LGR5: variants seen among roughly 807,000 people sequenced by gnomAD.
LGR5 encodes the protein leucine rich repeat containing G protein-coupled receptor 5, also known as leucine-rich repeat-containing G protein-coupled receptor 5.
Under a neutral mutation model 76.7 loss-of-function variants are expected in LGR5, and 54 were observed. The observed-to-expected ratio is 0.70, with a 90% CI of 0.57 to 0.88. The LOEUF (loss-of-function observed/expected upper bound fraction) is 0.88, where lower values mean the gene tolerates loss of function less well. LGR5 is among the 40% of genes least tolerant of loss of function. The probability of loss-of-function intolerance (pLI) is 0.00; values close to 1 mark genes in which losing one functional copy is unlikely to be tolerated. For synonymous variants in LGR5, 406 were observed against 421.9 expected, an observed-to-expected ratio of 0.96 and a Z score of 0.46; for missense variants, 1,078 against 1,073.3, an observed-to-expected ratio of 1.00 and a Z score of -0.06.
At chr12:71,474,389 T>C (rs987329417) in intron 1 of LGR5, among the ~76,000 whole-genome samples, 1 of 152,202 alleles carries the variant, frequency 6.6e-6, no homozygotes, top group Non-Finnish European at 1.5e-5. Context: ...AAAATTAAAA[T>C]TCTTTTTAAG....
At chr12:71,502,736 T>G (rs925520678) in intron 1 of LGR5, among the ~76,000 whole-genome samples, 2 of 152,192 alleles carry the variant, frequency 1.3e-5, no homozygotes, top group African/African-American at 4.8e-5. Flanking sequence ...TCCTCCACCA[T>G]AAAAAGTGTT....
At chr12:71,575,225 A>G (rs1160934298) in intron 13 of LGR5, among the ~76,000 whole-genome samples, 2 of 152,184 alleles carry the variant, frequency 1.3e-5, no homozygotes, top group South Asian at 2.1e-4. Context: ...AAAAAACAAA[A>G]CAAAACAAAC....
At chr12:71,497,082 G>GT (rs773967984) in intron 1 of LGR5, among the ~76,000 whole-genome samples, 15 of 152,172 alleles carry the variant, frequency 9.9e-5, no homozygotes, top group Non-Finnish European at 2.2e-4. Context: ...GGGAGGCCAA[G>GT]GTGGGAGAAT....
chr12:71,475,923 C>G (rs1271743663), intron 1 of LGR5, among the ~76,000 whole-genome samples: 2 of 152,066 alleles, frequency 1.3e-5, no homozygotes, highest in African/African-American at 4.8e-5. Context: ...TCTATACATC[C>G]TTTCCTCCTT....
chr12:71,553,195 G>T lies in LGR5; in HGVS notation c.551G>T (p.Ser184Ile), dbSNP rs755523849. The stretch of plus-strand genomic sequence containing the variant: ...GAAATCCCCGTCCAGGCTTTTAGAA[G>T]TTTATCGGCATTGCAAGCCATGACC... ...LTEIPVQAFRSLSALQAMTLA... is the reference protein window; with the variant it reads ...LTEIPVQAFRILSALQAMTLA... Residue 184 changes from serine (S) to isoleucine (I), a missense_variant, in exon 5 of 18, where the codon AGT becomes ATT. Physicochemically the swap from Ser to Ile is moderately radical, Grantham distance 142 (BLOSUM62 -2). Coordinates refer to ENST00000266674, the MANE Select transcript of LGR5 (RefSeq NM_003667.4). The T allele has an allele frequency of 6.2e-7, 1 of 1,614,082 alleles. No homozygotes were observed.
At chr12:71,497,556 A>G (rs982684179) in intron 1 of LGR5, among the ~76,000 whole-genome samples, 1 of 152,212 alleles carries the variant, frequency 6.6e-6, no homozygotes, top group Non-Finnish European at 1.5e-5. Flanking sequence ...TATTCATACT[A>G]TAATAAAATG....
At chr12:71,543,457 A>T (rs34883072) in intron 4 of LGR5, among the ~76,000 whole-genome samples, 21,637 of 152,168 alleles carry the variant, frequency 0.14, 1,676 homozygotes, top group Middle Eastern at 0.17. Flanking sequence ...TGGGTAGGGG[A>T]TGCTCATGAA....
intron 1 of LGR5, among the ~76,000 whole-genome samples, chr12:71,481,618 G>T (rs1419344300): frequency 6.6e-6 from 1 of 152,084 alleles, no homozygotes; most frequent in Admixed American, 6.6e-5. Context: ...TGTGTTTCAG[G>T]ATATTCGATG....
chr12:71,531,072 A>C (rs1272898603), intron 3 of LGR5, among the ~76,000 whole-genome samples: 1 of 151,846 alleles, frequency 6.6e-6, no homozygotes, highest in African/African-American at 2.4e-5. Flanking sequence ...TGAAATAGTG[A>C]TTATTTTAAA....
chr12:71,575,171 C>T (rs1225689264), intron 13 of LGR5, among the ~76,000 whole-genome samples: 1 of 152,070 alleles, frequency 6.6e-6, no homozygotes, highest in Non-Finnish European at 1.5e-5. Context: ...ATGATAATAC[C>T]TACCTCTTAG....
intron 2 of LGR5, among the ~76,000 whole-genome samples, chr12:71,505,098 A>C (rs1395387810): frequency 6.6e-6 from 1 of 152,212 alleles, no homozygotes; most frequent in Non-Finnish European, 1.5e-5. Context: ...TATGACAGGG[A>C]GAATTGAGTC....
At chr12:71,492,241 A>T (rs140135208) in intron 1 of LGR5, among the ~76,000 whole-genome samples, 1 of 152,342 alleles carries the variant, frequency 6.6e-6, no homozygotes, top group Non-Finnish European at 1.5e-5. Context: ...CAGGAGGATC[A>T]GAGACCTCTA....
intron 1 of LGR5, among the ~76,000 whole-genome samples, chr12:71,472,934 G>A (rs1455548928): frequency 6.6e-6 from 1 of 152,176 alleles, no homozygotes. Context: ...CTAATCCTAA[G>A]TGGATAGTAG....
At chr12:71,572,799 TCTTTGAAACCAGTAA>T (rs1878672482) in intron 12 of LGR5, 36 bp from the exon 13 acceptor site, 1 of 1,415,092 alleles carries the variant, frequency 7.1e-7, no homozygotes, top group African/African-American at 1.4e-5. Context: ...AAGTCTGTAG[TCTTTGAAACCAGTAA>T]CTTTGAAATC....
intron 2 of LGR5, among the ~76,000 whole-genome samples, chr12:71,510,095 G>T (rs906137771): frequency 1.3e-5 from 2 of 152,120 alleles, no homozygotes; most frequent in African/African-American, 4.8e-5. Flanking sequence ...AATGATCAAA[G>T]AACTTTGGTA....
At chr12:71,468,929 T>C (rs1872972900) in intron 1 of LGR5, among the ~76,000 whole-genome samples, 1 of 152,192 alleles carries the variant, frequency 6.6e-6, no homozygotes, top group Non-Finnish European at 1.5e-5. Context: ...CTCAATTACC[T>C]TTGTATTAAT....
At chr12:71,521,928 T>G (rs74738520) in intron 2 of LGR5, among the ~76,000 whole-genome samples, 7,174 of 152,266 alleles carry the variant, frequency 0.047, 219 homozygotes, top group Middle Eastern at 0.12. Flanking sequence ...GAGTTCAAAG[T>G]AGAGACACTG....
rs1368808988 is a variant in LGR5 at position 71,559,602 on chromosome 12, A to G, written c.733A>G (p.Asn245Asp). 1 of 1,564,388 alleles carries G rather than the reference A, an allele frequency of 6.4e-7. No homozygotes were observed. The highest frequency in any genetic ancestry group is 1.7e-5 in the Admixed American group (1 of 59,858). ...SLETLDLNYNNLDEFPTAIRT... is the reference protein window; with the variant it reads ...SLETLDLNYNDLDEFPTAIRT... ...CATTTTCAGAGATTTAAATTACAATAACCTTGATGAATTCCCCACTGCAAT... is the reference window on the plus strand; with the variant it reads ...CATTTTCAGAGATTTAAATTACAATGACCTTGATGAATTCCCCACTGCAAT... Residue 245 changes from asparagine (N) to aspartate (D), a missense_variant, in exon 7 of 18, where the codon AAC becomes GAC. Physicochemically the swap from Asn to Asp is conservative, Grantham distance 23 (BLOSUM62 1). Coordinates refer to ENST00000266674, the MANE Select transcript of LGR5 (RefSeq NM_003667.4).
intron 6 of LGR5, among the ~76,000 whole-genome samples, chr12:71,558,138 G>A (rs1287503503): frequency 6.6e-6 from 1 of 152,056 alleles, no homozygotes; most frequent in Admixed American, 6.6e-5. Flanking sequence ...CAACTTAATG[G>A]CATAGACAAG....
Sources: allele counts gnomAD v4.1 joint callset (sites outside exome capture counted in the v4.1 genomes callset), GRCh38; gene constraint gnomAD v4.1.1; transcripts MANE v1.5; gene names NCBI Gene and HGNC (gene_info 2026-07-23, HGNC 2026-07-21).